MEST: variants seen among roughly 807,000 people sequenced by gnomAD.
The protein encoded by MEST is mesoderm specific transcript, also known as mesoderm-specific transcript homolog protein.
A neutral mutation model predicts 50.9 loss-of-function variants in MEST; 18 were observed. That is an observed-to-expected ratio of 0.35 (90% CI 0.24 to 0.52). The LOEUF (loss-of-function observed/expected upper bound fraction) is 0.52, where lower values mean the gene tolerates loss of function less well. Ranked by LOEUF, MEST falls within the 20% of genes least tolerant of loss-of-function variation. The pLI, the probability that MEST is intolerant of heterozygous loss-of-function variation, is 0.94. For missense variants in MEST, 282 were observed against 425.3 expected, an observed-to-expected ratio of 0.66 and a Z score of 2.96; for synonymous variants, 130 against 154.1, an observed-to-expected ratio of 0.84 and a Z score of 1.16.
At chr7:130,493,253 G>A (rs1554435932) in intron 1 of MEST, 2 of 152,310 alleles carry the variant, frequency 1.3e-5, no homozygotes. Flanking sequence ...GTCTCGCGGC[G>A]ACGCCATCAG....
At chr7:130,498,656 C>T in intron 6 of MEST, 179 bp downstream of exon 6, 1 of 631,888 alleles carries the variant, frequency 1.6e-6, no homozygotes, top group Non-Finnish European at 2.8e-6. Flanking sequence ...TGGACCCTTT[C>T]TCAGAATGTT....
At chr7:130,494,925 G>A in intron 1 of MEST, 1 of 732,034 alleles carries the variant, frequency 1.4e-6, no homozygotes, top group South Asian at 6.1e-5. Flanking sequence ...TTACTGGTTG[G>A]GGGTAGTGGG....
chr7:130,503,789 C>A, intron 10 of MEST, 144 bp from the exon 11 acceptor site: 1 of 620,432 alleles, frequency 1.6e-6, no homozygotes, highest in South Asian at 1.8e-5. Context: ...GCACTCCAGC[C>A]TGAGCAAGGG....
upstream of MEST, chr7:130,488,637 G>A (rs190100900): frequency 3.9e-5 from 6 of 152,348 alleles, no homozygotes; most frequent in African/African-American, 1.2e-4. Flanking sequence ...CATCTAGCCA[G>A]GCTACTGTGA....
At position 130,500,664 on chromosome 7, in the gene MEST, G is replaced by T; in HGVS notation, c.648-125G>T. 1 of 1,210,682 alleles carries T rather than the reference G, an allele frequency of 8.3e-7. No homozygotes were observed. The highest frequency in any genetic ancestry group is 1.2e-6 in the Non-Finnish European group (1 of 852,494). The allele number at this position is 1,210,682 out of a possible 1,614,324, so 75.0% of individuals were successfully genotyped here. A position where few individuals can be genotyped will look rare whatever the true frequency, so the allele number is the denominator to read the frequency against. On this transcript the variant is annotated intron_variant, in intron 8 of 11. Coordinates refer to ENST00000223215, the MANE Select transcript of MEST (RefSeq NM_002402.4). This position sits in a 1 kb window ranked among gnomAD's most constrained non-coding sequence, Gnocchi z 5.0. ...TTGGCCGCTTGCCAGGGAAGTAGAA[G>T]GAATTCATAAATCACTTATGGGTCA...
upstream of MEST, chr7:130,487,246 A>G (rs1798653072): frequency 6.6e-6 from 1 of 152,144 alleles, no homozygotes. Flanking sequence ...ATGAGATGAT[A>G]TATGTGAAAG....
chr7:130,505,066 A>G lies in MEST; in HGVS notation c.*10A>G, dbSNP rs1554439567. ...CATCAACTCCTTCTGAGCTGGAAAG[A>G]GTAGCTTCCCTGTATTACCTCCCCT... On this transcript the variant is annotated 3_prime_UTR_variant, in exon 12 of 12. Transcript: ENST00000223215. 1 of 1,587,402 alleles carries G rather than the reference A, an allele frequency of 6.3e-7. No homozygotes were observed. The highest frequency in any genetic ancestry group is 1.7e-5 in the Admixed American group (1 of 59,964).
At chr7:130,494,867 A>G (rs1013921849) in intron 1 of MEST, 2 of 982,328 alleles carry the variant, frequency 2.0e-6, no homozygotes, top group Non-Finnish European at 2.4e-6. Flanking sequence ...CTACACACAC[A>G]CACTCTTTAA....
chr7:130,504,522 G>A (rs1799401335), intron 11 of MEST, among the ~76,000 whole-genome samples: 1 of 152,166 alleles, frequency 6.6e-6, no homozygotes, highest in South Asian at 2.1e-4. Flanking sequence ...CAAGCTAGTA[G>A]TAAACAGCTT....
chr7:130,503,987 A>T lies in MEST; in HGVS notation c.881A>T (p.Glu294Val), dbSNP rs1554439208. Residue 294 changes from glutamate to valine, a missense_variant, in exon 11 of 12, where the codon GAG becomes GTG. By Grantham distance (121) the Glu-to-Val change is moderately radical. Coordinates refer to ENST00000223215, the MANE Select transcript of MEST (RefSeq NM_002402.4). ...DPVNPYPEFL[E>V]LYRKTLPRST... ...GTAAATCCCTATCCAGAGTTTTTGGAGCTGTACAGGTGAGTCTCCCCGAGA... is the reference window on the plus strand; with the variant it reads ...GTAAATCCCTATCCAGAGTTTTTGGTGCTGTACAGGTGAGTCTCCCCGAGA... 1 of 1,612,754 alleles carries T rather than the reference A, an allele frequency of 6.2e-7. No individual in the cohort carries two copies. Among genetic ancestry groups the T allele is most frequent in the Non-Finnish European group, 8.5e-7 (1 of 1,178,966 alleles).
Position 130,503,945 on chromosome 7 carries a change from AT to A in MEST, c.840del (p.Tyr280Ter). 1 of 1,612,890 alleles carries A rather than the reference AT, an allele frequency of 6.2e-7. No individual in the cohort carries two copies. The highest frequency in any genetic ancestry group is 8.5e-7 in the Non-Finnish European group (1 of 1,179,010). The part of the protein sequence containing the change: ...ASVTIPIHFI[Y>X]GPLDPVNPYP... ...TTCTCTTTTCTAGTTCATTTTATCT[AT>A]GGGCCATTGGATCCTGTAAATCCCT... On this transcript the variant is annotated frameshift_variant, in exon 11 of 12. Coordinates refer to ENST00000223215, the MANE Select transcript of MEST (RefSeq NM_002402.4). LOFTEE classifies it high-confidence loss of function.
chr7:130,497,325 G>A lies in MEST; in HGVS notation c.261+90G>A. 4 of 1,040,910 alleles carry A rather than the reference G, an allele frequency of 3.8e-6. No individual in the cohort carries two copies. In the South Asian group the frequency reaches 4.5e-5, roughly 12 times the overall value. 64.5% of individuals were successfully genotyped at this position (1,040,910 alleles called of 1,614,324 possible). ...AAATCCTAGCACTTTGGGAGGCTGA[G>A]GTGGGAGGATGACCTGAGGTCAGGA... On this transcript the variant is annotated intron_variant, in intron 3 of 11. Coordinates refer to ENST00000223215, the MANE Select transcript of MEST (RefSeq NM_002402.4). This position sits in a 1 kb window ranked among gnomAD's most constrained non-coding sequence, Gnocchi z 4.0.
chr7:130,495,196 A>G (rs773481403), intron 1 of MEST, 172 bp from the exon 2 acceptor site: 13 of 584,496 alleles, frequency 2.2e-5, no homozygotes, highest in Non-Finnish European at 3.5e-5. Context: ...GGTGAGTGCT[A>G]TGGCAGACAG....
intron 11 of MEST, among the ~76,000 whole-genome samples, chr7:130,504,720 T>C (rs1322697665): frequency 6.6e-6 from 1 of 152,238 alleles, no homozygotes; most frequent in African/African-American, 2.4e-5. Context: ...TTTCAAGTTG[T>C]TGTTTGTTGG....
At chr7:130,494,918 C>A in intron 1 of MEST, 1 of 836,486 alleles carries the variant, frequency 1.2e-6, no homozygotes, top group Non-Finnish European at 1.4e-6. Context: ...GAACATTTTA[C>A]TGGTTGGGGG....
In MEST at chr7:130,492,307, C is replaced by A; in HGVS notation, c.-7C>A. ...CGCTGCGGCGGGCGGCATGGGATAA[C>A]GCGGCCATGGTGCGCCGAGATCGCC... On this transcript the variant is annotated 5_prime_UTR_variant, in exon 1 of 12. Transcript: ENST00000223215. This position sits in a 1 kb window ranked among gnomAD's most constrained non-coding sequence, Gnocchi z 7.6. 1 of 1,343,450 alleles carries A rather than the reference C, an allele frequency of 7.4e-7. No individual in the cohort carries two copies. Among genetic ancestry groups the A allele is most frequent in the Non-Finnish European group, 9.5e-7 (1 of 1,047,520 alleles). 83.2% of individuals were successfully genotyped at this position (1,343,450 alleles called of 1,614,324 possible). A position where few individuals can be genotyped will look rare whatever the true frequency, so the allele number is the denominator to read the frequency against.
At position 130,499,877 on chromosome 7, in the gene MEST, A is replaced by G. The variant is rs1799211878; in HGVS notation, c.538A>G (p.Ile180Val). Residue 180 changes from isoleucine (I) to valine (V), a missense_variant and splice_region_variant, in exon 7 of 12, where the codon ATC becomes GTC. By Grantham distance (29) the Ile-to-Val change is conservative. Coordinates refer to ENST00000223215, the MANE Select transcript of MEST (RefSeq NM_002402.4). ...IKSLCLSNGG[I>V]FPETHRPLLL... ...ACTAAGATAAGTCTCTTCTACAGGT[A>G]TCTTTCCTGAGACTCACCGTCCACT... 6.2e-7 allele frequency: 1 copy of G among 1,610,134 alleles called. No homozygotes were observed. Among genetic ancestry groups the G allele is most frequent in the South Asian group, 1.1e-5 (1 of 90,076 alleles).
chr7:130,495,778 G>GTTTTTTTTTTTT, intron 2 of MEST: 1 of 188,928 alleles, frequency 5.3e-6, no homozygotes, highest in South Asian at 1.3e-4. Flanking sequence ...TCCAATATTA[G>GTTTTTTTTTTTT]TTTTTTTTTT....
chr7:130,494,491 A>T (rs529342709), intron 1 of MEST: 6 of 152,280 alleles, frequency 3.9e-5, no homozygotes, highest in African/African-American at 1.4e-4. Context: ...TGGGCATGGG[A>T]GGGTTGGGTG....
Sources: gnomAD v4.1 joint callset for allele counts (sites outside exome capture counted in the v4.1 genomes callset) on GRCh38, gnomAD v4.1.1 for gene constraint, Gnocchi (gnomAD v3.1) non-coding constraint, MANE v1.5 for transcripts, NCBI Gene and HGNC (gene_info 2026-07-23, HGNC 2026-07-21) for gene names.